The following TOX variants were observed in gnomAD, a reference collection of about 807,000 sequenced individuals.
TOX encodes thymocyte selection-associated high mobility group box protein TOX.
A neutral mutation model predicts 53.7 loss-of-function variants in TOX; 11 were observed. That is an observed-to-expected ratio of 0.20 (90% CI 0.13 to 0.34). The LOEUF is 0.34. TOX is among the 10% of genes least tolerant of loss of function. The pLI is 1.00. For synonymous variants in TOX, 225 were observed against 245.3 expected, an observed-to-expected ratio of 0.92 and a Z score of 0.77; for missense variants, 570 against 664.6, an observed-to-expected ratio of 0.86 and a Z score of 1.56.
chr8:58,842,864 G>C (rs942312813), intron 4 of TOX, among the ~76,000 whole-genome samples: 1 of 152,174 alleles, frequency 6.6e-6, no homozygotes, highest in East Asian at 1.9e-4. Flanking sequence ...TTGCCTGAAG[G>C]CTTTACCTAT....
chr8:59,061,687 C>T (rs1365731606), intron 1 of TOX, among the ~76,000 whole-genome samples: 2 of 151,982 alleles, frequency 1.3e-5, no homozygotes, highest in South Asian at 2.1e-4. Flanking sequence ...AAGCCCACTC[C>T]TTTATGTCGG....
intron 4 of TOX, among the ~76,000 whole-genome samples, chr8:58,839,947 T>C (rs922373027): frequency 6.6e-6 from 1 of 152,234 alleles, no homozygotes. Context: ...CGGGCCTCTG[T>C]TTCCTCTAGT....
At chr8:58,890,594 T>A (rs1811545249) in intron 3 of TOX, among the ~76,000 whole-genome samples, 2 of 152,096 alleles carry the variant, frequency 1.3e-5, no homozygotes. Flanking sequence ...AGGGCAACAG[T>A]GTCATATAAC....
intron 8 of TOX, 111 bp from the exon 9 acceptor site, chr8:58,807,894 G>T: frequency 1.4e-6 from 2 of 1,419,838 alleles, no homozygotes; most frequent in South Asian, 1.2e-5. Flanking sequence ...GCTGTTCACT[G>T]GGAAACTGCA....
chr8:58,944,570 T>C (rs1218727783), intron 2 of TOX, among the ~76,000 whole-genome samples: 2 of 152,224 alleles, frequency 1.3e-5, no homozygotes, highest in African/African-American at 4.8e-5. Flanking sequence ...GAATTGAGGC[T>C]TTGAAGCCCA....
chr8:58,869,975 A>G (rs1811171065), intron 3 of TOX, among the ~76,000 whole-genome samples: 1 of 152,100 alleles, frequency 6.6e-6, no homozygotes, highest in African/African-American at 2.4e-5. Context: ...ATCATACTTA[A>G]TGGTGGGAAA....
At chr8:58,945,012 T>G (rs927849892) in intron 2 of TOX, among the ~76,000 whole-genome samples, 8 of 152,336 alleles carry the variant, frequency 5.3e-5, no homozygotes, top group African/African-American at 1.9e-4. Flanking sequence ...AAATTGCACT[T>G]TTTAAGTTAA....
At chr8:58,869,576 CAAGAA>C (rs1198193394) in intron 3 of TOX, among the ~76,000 whole-genome samples, 1 of 151,944 alleles carries the variant, frequency 6.6e-6, no homozygotes, top group Non-Finnish European at 1.5e-5. Flanking sequence ...GACCAAAACA[CAAGAA>C]AAGAAAATTA....
At chr8:59,013,782 T>C (rs193060846) in intron 1 of TOX, among the ~76,000 whole-genome samples, 1 of 152,298 alleles carries the variant, frequency 6.6e-6, no homozygotes, top group Non-Finnish European at 1.5e-5. Flanking sequence ...CCATCTGAAC[T>C]CAATTGTGAT....
chr8:59,021,481 A>ATATATATATATATATAT (rs1554539852), intron 1 of TOX, among the ~76,000 whole-genome samples: 1 of 64,738 alleles, frequency 1.5e-5, no homozygotes, highest in African/African-American at 5.3e-5. Context: ...AAAAAAAAAA[A>ATATATATATATATATAT]ATATATATAT....
At chr8:58,918,941 A>T (rs937040036) in intron 3 of TOX, among the ~76,000 whole-genome samples, 6 of 151,864 alleles carry the variant, frequency 4.0e-5, no homozygotes, top group African/African-American at 1.2e-4. Context: ...ATCATAAGTG[A>T]ACTCCCATTC....
At position 58,939,323 on chromosome 8, in the gene TOX, C is replaced by T; in HGVS notation, c.390G>A (p.Leu130=). Residue 130 remains leucine (L), a synonymous_variant, in exon 3 of 9, where the codon CTG becomes CTA. Coordinates refer to ENST00000361421, the MANE Select transcript of TOX (RefSeq NM_014729.3). ...VSNMLGQDGT[L]LSNSISVMPD... is the part of the protein sequence containing the mutation. The stretch of plus-strand genomic sequence containing the variant: ...TTACCACAGAAATGGAATTAGAAAG[C>T]AGTGTTCCATCCTGGCCCAGCATAT... 6.2e-7 allele frequency: 1 copy of T among 1,614,034 alleles called. No homozygotes were observed. Among genetic ancestry groups the T allele is most frequent in the Non-Finnish European group, 8.5e-7 (1 of 1,179,986 alleles).
intron 1 of TOX, among the ~76,000 whole-genome samples, chr8:58,973,613 A>T (rs2129179896): frequency 6.6e-6 from 1 of 152,232 alleles, no homozygotes; most frequent in Admixed American, 6.5e-5. Flanking sequence ...CAACTGCATT[A>T]ACCATATAGT....
intron 3 of TOX, among the ~76,000 whole-genome samples, chr8:58,874,992 G>A (rs1383778554): frequency 6.6e-6 from 1 of 152,210 alleles, no homozygotes; most frequent in East Asian, 1.9e-4. Context: ...TGTGGCCTGT[G>A]GGCCATGGAT....
chr8:58,900,146 C>G (rs1280335523), intron 3 of TOX, among the ~76,000 whole-genome samples: 1 of 152,068 alleles, frequency 6.6e-6, no homozygotes, highest in East Asian at 1.9e-4. Flanking sequence ...CAGGCTTGAA[C>G]CAAATATTTA....
chr8:58,820,241 T>C (rs1203337128), intron 6 of TOX, among the ~76,000 whole-genome samples: 1 of 152,004 alleles, frequency 6.6e-6, no homozygotes, highest in African/African-American at 2.4e-5. Flanking sequence ...CAGAGAACTT[T>C]CTTGACTTAA....
At chr8:58,975,331 T>C (rs1813076997) in intron 1 of TOX, among the ~76,000 whole-genome samples, 1 of 152,016 alleles carries the variant, frequency 6.6e-6, no homozygotes, top group South Asian at 2.1e-4. Context: ...AGTCATCGTT[T>C]CAATTTTTCT....
At chr8:58,988,305 G>T (rs1029819424) in intron 1 of TOX, among the ~76,000 whole-genome samples, 11 of 152,296 alleles carry the variant, frequency 7.2e-5, no homozygotes, top group Middle Eastern at 3.4e-3. Context: ...ATGGTCACAG[G>T]CCAAATCTGG....
intron 1 of TOX, among the ~76,000 whole-genome samples, chr8:59,015,489 A>G (rs1813990782): frequency 6.6e-6 from 1 of 152,262 alleles, no homozygotes; most frequent in South Asian, 2.1e-4. Flanking sequence ...ACATTATTGC[A>G]AAATGATATT....
Sources: allele counts gnomAD v4.1 joint callset (sites outside exome capture counted in the v4.1 genomes callset), GRCh38; gene constraint gnomAD v4.1.1; transcripts MANE v1.5; gene names NCBI Gene and HGNC (gene_info 2026-07-23, HGNC 2026-07-21).